The following FRMD4A variants were observed in gnomAD, a reference collection of about 807,000 sequenced individuals.
The protein encoded by FRMD4A is FERM domain-containing protein 4A.
A neutral mutation model predicts 129.1 loss-of-function variants in FRMD4A; 29 were observed. The ratio of observed to expected loss-of-function variants is 0.22; its 90% CI spans 0.17 to 0.31. The LOEUF (loss-of-function observed/expected upper bound fraction) is 0.31, where lower values mean the gene tolerates loss of function less well. Ranked by LOEUF, FRMD4A falls within the 10% of genes least tolerant of loss-of-function variation. The pLI, the probability that FRMD4A is intolerant of heterozygous loss-of-function variation, is 1.00. For missense variants in FRMD4A, 1,272 were observed against 1,375.8 expected (o/e 0.92, Z 1.19); for synonymous variants, 634 against 571.6 (o/e 1.11, Z -1.56).
intron 12 of FRMD4A, among the ~76,000 whole-genome samples, chr10:13,709,164 A>C (rs2087762906): frequency 6.6e-6 from 1 of 152,148 alleles, no homozygotes; most frequent in Admixed American, 6.5e-5. Context: ...GGGTTTTGCC[A>C]TGTTGGGCAG....
chr10:13,995,325 T>C (rs1178550963), intron 2 of FRMD4A, among the ~76,000 whole-genome samples: 1 of 152,240 alleles, frequency 6.6e-6, no homozygotes, highest in Non-Finnish European at 1.5e-5. Context: ...GGATCACACC[T>C]GTAATCCCAG....
intron 2 of FRMD4A, among the ~76,000 whole-genome samples, chr10:14,309,726 A>C (rs1221201112): frequency 6.6e-6 from 1 of 151,814 alleles, no homozygotes; most frequent in Non-Finnish European, 1.5e-5. Context: ...CAGGCTCCGT[A>C]TGCCTCCCTG....
intron 11 of FRMD4A, among the ~76,000 whole-genome samples, chr10:13,739,475 C>T (rs894465366): frequency 1.3e-5 from 2 of 152,208 alleles, no homozygotes; most frequent in Non-Finnish European, 2.9e-5. Flanking sequence ...GTGCTCTTTT[C>T]CAAATTAGTA....
At chr10:14,169,032 T>C (rs1049702764) in intron 2 of FRMD4A, among the ~76,000 whole-genome samples, 3 of 152,250 alleles carry the variant, frequency 2.0e-5, no homozygotes, top group Non-Finnish European at 4.4e-5. Flanking sequence ...GTTTAATAAA[T>C]GCATCATAGT....
chr10:13,880,560 G>C (rs905457664), intron 2 of FRMD4A, among the ~76,000 whole-genome samples: 26 of 152,158 alleles, frequency 1.7e-4, no homozygotes, highest in Non-Finnish European at 5.9e-5. Context: ...GAGCCCCCCA[G>C]GGTAGAGCCT....
At chr10:13,686,025 C>A (rs1033492190) in intron 15 of FRMD4A, among the ~76,000 whole-genome samples, 9 of 152,220 alleles carry the variant, frequency 5.9e-5, no homozygotes, top group African/African-American at 2.2e-4. Context: ...TCAAACATGT[C>A]CAGAACCATC....
chr10:13,963,011 T>A (rs1245650887), intron 2 of FRMD4A, among the ~76,000 whole-genome samples: 4 of 152,192 alleles, frequency 2.6e-5, no homozygotes, highest in African/African-American at 9.7e-5. Flanking sequence ...GAAGAACAAT[T>A]TGAAAATGTA....
intron 23 of FRMD4A, among the ~76,000 whole-genome samples, chr10:13,652,646 G>A (rs963965484): frequency 1.3e-5 from 2 of 152,206 alleles, no homozygotes; most frequent in Admixed American, 6.5e-5. Context: ...CTGTCCAACA[G>A]ACAGCCCAAG....
At chr10:13,931,539 G>T (rs2095194852) in intron 2 of FRMD4A, among the ~76,000 whole-genome samples, 1 of 152,112 alleles carries the variant, frequency 6.6e-6, no homozygotes, top group South Asian at 2.1e-4. Flanking sequence ...GACTCCCAGG[G>T]CTAGGTTGGC....
chr10:13,689,878 A>G (rs2085512725), intron 15 of FRMD4A, among the ~76,000 whole-genome samples: 1 of 151,972 alleles, frequency 6.6e-6, no homozygotes, highest in African/African-American at 2.4e-5. Flanking sequence ...TTCCTAAAAC[A>G]CAGCACATGC....
At chr10:13,798,227 A>T (rs1055267342) in intron 4 of FRMD4A, among the ~76,000 whole-genome samples, 4 of 152,074 alleles carry the variant, frequency 2.6e-5, no homozygotes, top group African/African-American at 9.7e-5. Context: ...CCTGGCCAAC[A>T]TGGTGAAACC....
intron 2 of FRMD4A, among the ~76,000 whole-genome samples, chr10:14,166,879 T>C (rs1841208587): frequency 6.6e-6 from 1 of 152,232 alleles, no homozygotes; most frequent in South Asian, 2.1e-4. Flanking sequence ...AGAGAGCCTA[T>C]GGGTGCTCCT....
chr10:14,127,120 C>T (rs536258976), intron 2 of FRMD4A, among the ~76,000 whole-genome samples: 1 of 152,274 alleles, frequency 6.6e-6, no homozygotes, highest in South Asian at 2.1e-4. Context: ...AATGGACTGA[C>T]CACAGGAGGG....
chr10:13,763,534 A>T (rs1299882656), intron 6 of FRMD4A, among the ~76,000 whole-genome samples: 1 of 152,216 alleles, frequency 6.6e-6, no homozygotes, highest in African/African-American at 2.4e-5. Flanking sequence ...TCTATTGGTC[A>T]GCAACTGTTA....
At chr10:14,189,451 G>A (rs1273107074) in intron 2 of FRMD4A, among the ~76,000 whole-genome samples, 1 of 152,140 alleles carries the variant, frequency 6.6e-6, no homozygotes. Flanking sequence ...GCGGGCACCT[G>A]TAATCCCAGC....
intron 6 of FRMD4A, among the ~76,000 whole-genome samples, chr10:13,781,871 T>A (rs189704653): frequency 2.6e-5 from 4 of 152,108 alleles, no homozygotes; most frequent in Admixed American, 1.3e-4. Context: ...GTTTAGCAGA[T>A]GAAAAGAGCT....
chr10:14,042,423 C>G (rs1025521925), intron 2 of FRMD4A, among the ~76,000 whole-genome samples: 1 of 152,264 alleles, frequency 6.6e-6, no homozygotes. Context: ...GTAAAGTGGA[C>G]GCGTCAAGTT....
intron 2 of FRMD4A, among the ~76,000 whole-genome samples, chr10:14,221,187 G>T (rs1843247942): frequency 6.6e-6 from 1 of 152,204 alleles, no homozygotes; most frequent in Non-Finnish European, 1.5e-5. Flanking sequence ...ATGATCTGAT[G>T]CTGCAGGGGG....
rs796545108 is a variant in FRMD4A, at chr10:13,694,106, G to A, written c.976-67C>T. On this transcript the variant is annotated intron_variant, in intron 14 of 24. Coordinates refer to ENST00000357447, the MANE Select transcript of FRMD4A (RefSeq NM_018027.5). ...CTTGCGGAAAGGACAGTCATCCCTC[G>A]CCCGCGCCTGCTCACCGTCTTGACA... 11 of 1,306,810 alleles carry A rather than the reference G, an allele frequency of 8.4e-6. No homozygotes were observed. In the South Asian group the frequency reaches 9.1e-5, roughly 11 times the overall value. 81.0% of individuals were successfully genotyped at this position (1,306,810 alleles called of 1,614,324 possible).
Sources: allele counts gnomAD v4.1 joint callset (sites outside exome capture counted in the v4.1 genomes callset), GRCh38; gene constraint gnomAD v4.1.1; transcripts MANE v1.5; gene names NCBI Gene and HGNC (gene_info 2026-07-23, HGNC 2026-07-21).